Variants in RAD51B observed in about 807,000 individuals in gnomAD.
RAD51B encodes the protein DNA repair protein RAD51 homolog 2.
RAD51B carries 38 observed loss-of-function variants against 42.2 expected under a neutral mutation model. The observed-to-expected ratio is 0.90, with a 90% CI of 0.70 to 1.18. The LOEUF is 1.18. Among genes scored for constraint, RAD51B ranks in the 50% most tolerant of loss-of-function variants. The probability of loss-of-function intolerance (pLI) is 0.00; values close to 1 mark genes in which losing one functional copy is unlikely to be tolerated. For synonymous variants in RAD51B, 154 were observed against 145.2 expected (o/e 1.06, Z -0.43); for missense variants, 373 against 400.7 (o/e 0.93, Z 0.59).
rs945743810 is a variant in RAD51B at position 68,008,999 on chromosome 14, A to C, written c.756+121795A>C. 5.9e-5 allele frequency among the ~76,000 whole-genome samples: 9 copies of C among 151,944 alleles called. No individual in the cohort carries two copies. In the South Asian group the frequency reaches 1.7e-3, roughly 28 times the overall value. ...ACTCTGATCTCCTTAGAAACCTATCACTTTTACCTTTAAATGATACATTTT... is the reference window on the plus strand; with the variant it reads ...ACTCTGATCTCCTTAGAAACCTATCCCTTTTACCTTTAAATGATACATTTT... On this transcript the variant is annotated intron_variant, in intron 7 of 10. Transcript: ENST00000471583.
chr14:68,120,588 A>G (rs1186367765), intron 7 of RAD51B, among the ~76,000 whole-genome samples: 1 of 152,058 alleles, frequency 6.6e-6, no homozygotes, highest in Non-Finnish European at 1.5e-5. Flanking sequence ...TTTTCCTGAT[A>G]TATTCAGAAC....
intron 8 of RAD51B, among the ~76,000 whole-genome samples, chr14:68,348,407 TAAATAA>T (rs2082715206): frequency 1.3e-5 from 2 of 152,330 alleles, no homozygotes; most frequent in South Asian, 4.1e-4. Flanking sequence ...CAGGAAATTT[TAAATAA>T]AAATTAAGAT....
chr14:68,515,552 G>T (rs1886084502), intron 10 of RAD51B, among the ~76,000 whole-genome samples: 1 of 147,250 alleles, frequency 6.8e-6, no homozygotes, highest in African/African-American at 2.5e-5. Context: ...GGGATTAAGT[G>T]ATCTTTCAGC....
At chr14:68,434,587 T>C (rs1466130558) in intron 9 of RAD51B, among the ~76,000 whole-genome samples, 1 of 152,272 alleles carries the variant, frequency 6.6e-6, no homozygotes, top group East Asian at 1.9e-4. Context: ...GCTAAGACCA[T>C]TGGAAAAGCG....
intron 5 of RAD51B, among the ~76,000 whole-genome samples, chr14:67,867,996 A>G (rs2139998569): frequency 6.6e-6 from 1 of 152,358 alleles, no homozygotes; most frequent in South Asian, 2.1e-4. Context: ...AAATATCTAG[A>G]TATCTTTTTA....
chr14:67,903,713 TCTGGACAGTGTTAC>T (rs2043687302), intron 7 of RAD51B, among the ~76,000 whole-genome samples: 1 of 152,208 alleles, frequency 6.6e-6, no homozygotes, highest in African/African-American at 2.4e-5. Context: ...GTGATCGAGT[TCTGGACAGTGTTAC>T]CTGTTTAGCT....
intron 10 of RAD51B, chr14:68,497,656 G>A: frequency 1.9e-6 from 1 of 516,026 alleles, no homozygotes; most frequent in Non-Finnish European, 2.6e-6. Flanking sequence ...CCAAAAGCAA[G>A]ACCCATAACC....
intron 10 of RAD51B, among the ~76,000 whole-genome samples, chr14:68,624,050 C>T (rs1209068042): frequency 1.3e-5 from 2 of 152,146 alleles, no homozygotes; most frequent in Admixed American, 6.5e-5. Flanking sequence ...GAGGGGAAGT[C>T]GGCATTTTCT....
intron 9 of RAD51B, among the ~76,000 whole-genome samples, chr14:68,416,883 G>T (rs2084574322): frequency 1.3e-5 from 2 of 152,124 alleles, no homozygotes; most frequent in Non-Finnish European, 2.9e-5. Flanking sequence ...GATAGCATGA[G>T]GAGGGTAGGA....
chr14:68,219,978 GA>G (rs1461046387), intron 7 of RAD51B, among the ~76,000 whole-genome samples: 2 of 152,114 alleles, frequency 1.3e-5, no homozygotes, highest in Admixed American at 1.3e-4. Context: ...ATTCTTCAGT[GA>G]AATAAATAGC....
rs558451831 is a variant in RAD51B at position 68,052,625 on chromosome 14, CTTCT to C, written c.756+165424_756+165427del. On this transcript the variant is annotated intron_variant, in intron 7 of 10. Transcript: ENST00000471583. ...ACTTCCATGACTTCTTCTTCTTCTTCTTCTTTTTTTTTTTGGATGAGGTCTCACT... is the reference window on the plus strand; with the variant it reads ...ACTTCCATGACTTCTTCTTCTTCTTCTTTTTTTTTTGGATGAGGTCTCACT... 4.4e-3 allele frequency among the ~76,000 whole-genome samples: 607 copies of C among 137,922 alleles called. 6 individuals carry two copies. The highest frequency in any genetic ancestry group is 0.018 in the African/African-American group (581 of 32,140). 90.5% of individuals were successfully genotyped at this position (137,922 alleles called of 152,430 possible). A position where few individuals can be genotyped will look rare whatever the true frequency, so the allele number is the denominator to read the frequency against.
At chr14:68,603,863 G>A (rs576970509) in intron 10 of RAD51B, among the ~76,000 whole-genome samples, 6 of 152,188 alleles carry the variant, frequency 3.9e-5, no homozygotes, top group African/African-American at 7.2e-5. Flanking sequence ...GGCTACCTCC[G>A]TGCCAGACGA....
intron 7 of RAD51B, among the ~76,000 whole-genome samples, chr14:68,028,245 G>C (rs1320948887): frequency 6.6e-6 from 1 of 152,214 alleles, no homozygotes; most frequent in African/African-American, 2.4e-5. Flanking sequence ...GTTGGGGAGA[G>C]AGATGACCTT....
At chr14:68,335,675 A>G (rs1034822253) in intron 8 of RAD51B, among the ~76,000 whole-genome samples, 2 of 152,186 alleles carry the variant, frequency 1.3e-5, no homozygotes, top group African/African-American at 4.8e-5. Context: ...CATCTAATAG[A>G]ATTTATTTAT....
In RAD51B at chr14:68,112,359, T is replaced by C. The variant is rs943847167; in HGVS notation, c.757-179525T>C. 3.9e-5 allele frequency among the ~76,000 whole-genome samples: 6 copies of C among 152,192 alleles called. No individual in the cohort carries two copies. In the East Asian group the frequency reaches 1.2e-3, roughly 29 times the overall value. Reference sequence around the variant, plus strand: ...GCCATCCCCTCCACACCTTCTTTATTTTCTGAAGATTTAGAATACAAATTT... The same window carrying C: ...GCCATCCCCTCCACACCTTCTTTATCTTCTGAAGATTTAGAATACAAATTT... On this transcript the variant is annotated intron_variant, in intron 7 of 10. Transcript: ENST00000471583.
intron 7 of RAD51B, among the ~76,000 whole-genome samples, chr14:68,182,933 T>C (rs374280897): frequency 5.8e-4 from 89 of 152,346 alleles, no homozygotes; most frequent in African/African-American, 2.0e-3. Flanking sequence ...TTACTGGACC[T>C]GTATTCCTTT....
intron 8 of RAD51B, among the ~76,000 whole-genome samples, chr14:68,296,589 G>C (rs2081618420): frequency 6.6e-6 from 1 of 152,234 alleles, no homozygotes; most frequent in Admixed American, 6.5e-5. Context: ...AGTCACCTGG[G>C]ATTTGAGCAG....
At chr14:67,955,787 C>A (rs2074535230) in intron 7 of RAD51B, among the ~76,000 whole-genome samples, 1 of 152,148 alleles carries the variant, frequency 6.6e-6, no homozygotes, top group Non-Finnish European at 1.5e-5. Context: ...CAAGACAGAT[C>A]CAATCCTTTT....
downstream of RAD51B, among the ~76,000 whole-genome samples, chr14:68,612,502 A>T (rs1239687133): frequency 1.3e-5 from 2 of 152,200 alleles, no homozygotes; most frequent in African/African-American, 4.8e-5. Context: ...GCCATCAAGG[A>T]ATACAAGTGG....
Sources: gnomAD v4.1 joint callset for allele counts (sites outside exome capture counted in the v4.1 genomes callset) on GRCh38, gnomAD v4.1.1 for gene constraint, MANE v1.5 for transcripts, NCBI Gene and HGNC (gene_info 2026-07-23, HGNC 2026-07-21) for gene names.